Variants in NRG2 observed in about 807,000 individuals in gnomAD.
NRG2 encodes the protein pro-neuregulin-2, membrane-bound isoform.
NRG2 carries 27 observed loss-of-function variants against 73.9 expected under a neutral mutation model. That is an observed-to-expected ratio of 0.37 (90% CI 0.27 to 0.50). The LOEUF (loss-of-function observed/expected upper bound fraction) is 0.50, where lower values mean the gene tolerates loss of function less well. NRG2 is among the 20% of genes least tolerant of loss of function. NRG2 has a pLI of 0.96. For synonymous variants in NRG2, 532 were observed against 541.0 expected, an observed-to-expected ratio of 0.98 and a Z score of 0.23; for missense variants, 1,126 against 1,210.1, an observed-to-expected ratio of 0.93 and a Z score of 1.03.
At chr5:139,886,003 G>A (rs1265322729) in intron 2 of NRG2, among the ~76,000 whole-genome samples, 1 of 152,112 alleles carries the variant, frequency 6.6e-6, no homozygotes, top group Non-Finnish European at 1.5e-5. Context: ...GGTGGTCTCG[G>A]AAGGTGGGCT....
intron 1 of NRG2, among the ~76,000 whole-genome samples, chr5:139,929,074 C>T (rs1752269678): frequency 6.6e-6 from 1 of 152,176 alleles, no homozygotes; most frequent in South Asian, 2.1e-4. Flanking sequence ...AAGCTTTTAT[C>T]TTGTCACTTC....
At chr5:139,864,385 CTTTTTTT>C (rs954495131) in intron 5 of NRG2, among the ~76,000 whole-genome samples, 2 of 134,592 alleles carry the variant, frequency 1.5e-5, no homozygotes, top group Non-Finnish European at 3.2e-5. Flanking sequence ...TCTTCTTCTT[CTTTTTTT>C]TTTTTTTTTG....
In NRG2 at chr5:139,904,756, A is replaced by C. The variant is rs1256709249; in HGVS notation, c.701-17245T>G. Among the ~76,000 whole-genome samples, 1 of 152,106 alleles carries C rather than the reference A, an allele frequency of 6.6e-6. No individual in the cohort carries two copies. Among genetic ancestry groups the C allele is most frequent in the Non-Finnish European group, 1.5e-5 (1 of 67,990 alleles). On this transcript the variant is annotated intron_variant, in intron 1 of 9. Coordinates refer to ENST00000361474, the MANE Select transcript of NRG2 (RefSeq NM_004883.3). This position sits in a 1 kb window ranked among gnomAD's most constrained non-coding sequence, Gnocchi z 6.0. ...CATGATTGGGGAGGGCGGAGTAGAG[A>C]TCCCCCAGCGAGGGCCAGGCTAAGG... is the stretch of plus-strand genomic sequence containing the variant.
Position 139,868,765 on chromosome 5 carries a change from G to A in NRG2, c.1112+2956C>T, listed in dbSNP as rs551237597. 1.6e-4 allele frequency among the ~76,000 whole-genome samples: 25 copies of A among 152,196 alleles called. No homozygotes were observed. In the East Asian group the frequency reaches 4.8e-3, roughly 29 times the overall value. ...GGCGGTGTGCCCCGGGCACTGGAGG[G>A]AGTGAAGGGCCTCTGAGTTCATGAG... On this transcript the variant is annotated intron_variant, in intron 4 of 9. Transcript: ENST00000361474. The surrounding 1 kb of genome is among the most constrained non-coding windows in gnomAD (Gnocchi z 4.2).
At chr5:139,967,756 C>T (rs1419590899) in intron 1 of NRG2, among the ~76,000 whole-genome samples, 1 of 152,000 alleles carries the variant, frequency 6.6e-6, no homozygotes, top group African/African-American at 2.4e-5. Context: ...GGTGGGAGAT[C>T]GAGACCATTC....
At chr5:140,002,772 C>T (rs1192570968) in intron 1 of NRG2, among the ~76,000 whole-genome samples, 1 of 151,996 alleles carries the variant, frequency 6.6e-6, no homozygotes, top group Non-Finnish European at 1.5e-5. Flanking sequence ...CGAAGAGGGG[C>T]AAGGGTGGAA....
chr5:139,975,282 C>T (rs981852767), intron 1 of NRG2, among the ~76,000 whole-genome samples: 3 of 152,228 alleles, frequency 2.0e-5, no homozygotes, highest in Non-Finnish European at 2.9e-5. Context: ...AAACACCTTT[C>T]CCAGCACTTC....
At chr5:139,878,044 T>C (rs1275081533) in intron 3 of NRG2, among the ~76,000 whole-genome samples, 1 of 152,188 alleles carries the variant, frequency 6.6e-6, no homozygotes, top group Admixed American at 6.5e-5. Flanking sequence ...AATCCGTGTG[T>C]GGGAGGGGAC....
intron 6 of NRG2, among the ~76,000 whole-genome samples, chr5:139,855,366 T>C (rs1761739638): frequency 6.6e-6 from 1 of 152,200 alleles, no homozygotes; most frequent in Admixed American, 6.5e-5. Context: ...GAACCATCAA[T>C]TTGCTCAAGG....
In NRG2 at chr5:139,962,954, T is replaced by C. The variant is rs140393965; in HGVS notation, c.701-75443A>G. Among the ~76,000 whole-genome samples the C allele has an allele frequency of 4.0e-3, 613 of 152,324 alleles. 2 individuals are homozygous for C. The highest frequency in any genetic ancestry group is 0.014 in the African/African-American group (600 of 41,574). On this transcript the variant is annotated intron_variant, in intron 1 of 9. Coordinates refer to ENST00000361474, the MANE Select transcript of NRG2 (RefSeq NM_004883.3). ...GGTTCATAGGCAATATGGAGCCATA[T>C]AAAAGCCCTCTCTAGACCTGAAGGT...
intron 1 of NRG2, among the ~76,000 whole-genome samples, chr5:139,993,995 T>C (rs1267976110): frequency 6.6e-6 from 1 of 152,202 alleles, no homozygotes; most frequent in African/African-American, 2.4e-5. Context: ...ACATATTGTG[T>C]TTACTATATA....
intron 1 of NRG2, among the ~76,000 whole-genome samples, chr5:140,028,974 G>T (rs1047806625): frequency 2.0e-5 from 3 of 152,276 alleles, no homozygotes; most frequent in South Asian, 4.1e-4. Flanking sequence ...TACACTCCCA[G>T]ATGAAATTCC....
At chr5:139,972,537 C>A (rs930146249) in intron 1 of NRG2, among the ~76,000 whole-genome samples, 1 of 152,144 alleles carries the variant, frequency 6.6e-6, no homozygotes, top group African/African-American at 2.4e-5. Context: ...CCAGCCTGGC[C>A]AACATAGTGA....
intron 1 of NRG2, among the ~76,000 whole-genome samples, chr5:139,924,681 C>G (rs1751922019): frequency 6.6e-6 from 1 of 152,206 alleles, no homozygotes; most frequent in Non-Finnish European, 1.5e-5. Context: ...GTCCTCTTTA[C>G]TTGTCTTTTT....
At chr5:140,003,530 T>A (rs765894055) in intron 1 of NRG2, among the ~76,000 whole-genome samples, 1 of 151,936 alleles carries the variant, frequency 6.6e-6, no homozygotes, top group Non-Finnish European at 1.5e-5. Context: ...CCTCTAAGAG[T>A]TGGAAAAGGC....
intron 1 of NRG2, among the ~76,000 whole-genome samples, chr5:140,030,560 G>A (rs186890808): frequency 2.0e-5 from 3 of 152,298 alleles, no homozygotes; most frequent in East Asian, 1.9e-4. Flanking sequence ...TCCAGCTCCC[G>A]CTTGCCCTTT....
chr5:139,857,045 C>T (rs1761854060), intron 5 of NRG2, among the ~76,000 whole-genome samples: 5 of 152,204 alleles, frequency 3.3e-5, no homozygotes, highest in Admixed American at 3.3e-4. Flanking sequence ...ACCCTGGTTA[C>T]AGGCACCAAC....
At chr5:139,999,910 G>A (rs1758303869) in intron 1 of NRG2, among the ~76,000 whole-genome samples, 1 of 152,194 alleles carries the variant, frequency 6.6e-6, no homozygotes, top group Non-Finnish European at 1.5e-5. Context: ...ACAGACACAT[G>A]CCCAGGGGAA....
rs1765074230 is a variant in NRG2 at position 139,904,265 on chromosome 5, T to C, written c.701-16754A>G. 2 of 1,573,552 alleles carry C rather than the reference T, an allele frequency of 1.3e-6. No homozygotes were observed. Among genetic ancestry groups the C allele is most frequent in the African/African-American group, 2.7e-5 (2 of 72,886 alleles). The stretch of plus-strand genomic sequence containing the variant: ...GGCGGGTGAGCGGGCGGCAGGTTTC[T>C]CCCAGGGAAACCGGGTTTCTGGGCG... On this transcript the variant is annotated intron_variant, in intron 1 of 9. Transcript: ENST00000361474. This position sits in a 1 kb window ranked among gnomAD's most constrained non-coding sequence, Gnocchi z 6.0.
Sources: allele counts gnomAD v4.1 joint callset (sites outside exome capture counted in the v4.1 genomes callset), GRCh38; gene constraint gnomAD v4.1.1; non-coding constraint Gnocchi (gnomAD v3.1); transcripts MANE v1.5; gene names NCBI Gene and HGNC (gene_info 2026-07-23, HGNC 2026-07-21).